The following CYP4F3 variants were observed in gnomAD, a reference collection of about 807,000 sequenced individuals.
CYP4F3 encodes cytochrome P450 4F3.
In CYP4F3, 50 loss-of-function variants were observed where a neutral mutation model predicts 54.8. That is an observed-to-expected ratio of 0.91 (90% CI 0.73 to 1.16). The LOEUF (loss-of-function observed/expected upper bound fraction) is 1.16, where lower values mean the gene tolerates loss of function less well. CYP4F3 is among the 50% of genes most tolerant of loss of function. The pLI is 0.00. For synonymous variants in CYP4F3, 244 were observed against 262.6 expected (o/e 0.93, Z 0.69); for missense variants, 715 against 676.2 (o/e 1.06, Z -0.64).
rs751945639 is a variant in CYP4F3 at position 15,641,585 on chromosome 19, G to T, written c.170G>T (p.Arg57Leu). Residue 57 changes from arginine to leucine, a missense_variant, in exon 2 of 13, where the codon CGG becomes CTG. Arg to Leu is a moderately radical substitution (Grantham distance 102). Transcript: ENST00000221307. ...CGGTGTTTCCCGCAACCCCCGAAAC[G>T]GAATTGGTTCTTGGGTCACCTGGGC... ...RLRCFPQPPK[R>L]NWFLGHLGLI... 3.1e-6 allele frequency: 5 copies of T among 1,614,100 alleles called. No individual in the cohort carries two copies. Among genetic ancestry groups the T allele is most frequent in the Admixed American group, 1.7e-5 (1 of 60,022 alleles).
At chr19:15,649,081 T>C in intron 5 of CYP4F3, 79 bp from the exon 6 acceptor site, 13 of 1,589,466 alleles carry the variant, frequency 8.2e-6, no homozygotes, top group Non-Finnish European at 1.0e-5. Context: ...TTCTGGGGCG[T>C]GCATATTGAT....
intron 9 of CYP4F3, among the ~76,000 whole-genome samples, chr19:15,657,394 T>G (rs1191284709): frequency 6.6e-6 from 1 of 152,186 alleles, no homozygotes; most frequent in East Asian, 1.9e-4. Flanking sequence ...CCTCCCAGAT[T>G]CAAGCAATTC....
chr19:15,643,447 T>C (rs62104376), intron 2 of CYP4F3, among the ~76,000 whole-genome samples: 1 of 149,586 alleles, frequency 6.7e-6, no homozygotes, highest in African/African-American at 2.5e-5. Context: ...GATAGATAGA[T>C]AGATAGATAG....
Position 15,649,282 on chromosome 19 carries a change from G to A in CYP4F3, c.647+1G>A. On this transcript the variant is annotated splice_donor_variant, in intron 6 of 12. Coordinates refer to ENST00000221307, the MANE Select transcript of CYP4F3 (RefSeq NM_000896.3). LOFTEE classifies it high-confidence loss of function. Reference sequence around the variant, plus strand: ...TCAGCTTTGACAGCCATTGCCAGGAGTAAGTTCTTGCCCAGGGTCTGGGAT... The same window carrying A: ...TCAGCTTTGACAGCCATTGCCAGGAATAAGTTCTTGCCCAGGGTCTGGGAT... 1 of 1,612,804 alleles carries A rather than the reference G, an allele frequency of 6.2e-7. No individual in the cohort carries two copies. The highest frequency in any genetic ancestry group is 8.5e-7 in the Non-Finnish European group (1 of 1,179,098).
chr19:15,662,364 A>G lies in CYP4F3; in HGVS notation c.*2979A>G, dbSNP rs1973201586. The G allele has an allele frequency of 6.6e-6, 1 of 151,958 alleles. No homozygotes were observed. Among genetic ancestry groups the G allele is most frequent in the Non-Finnish European group, 1.5e-5 (1 of 68,006 alleles). 9.4% of individuals were successfully genotyped at this position (151,958 alleles called of 1,614,324 possible). A position where few individuals can be genotyped will look rare whatever the true frequency, so the allele number is the denominator to read the frequency against. On this transcript the variant is annotated 3_prime_UTR_variant, in exon 13 of 13. Transcript: ENST00000221307. The stretch of plus-strand genomic sequence containing the variant: ...GCCTTGCAGGTTTGTAGAAAACTCA[A>G]TTGTTGAAATTTGGGTGGATATATT...
chr19:15,654,072 C>T (rs930695032), intron 9 of CYP4F3, among the ~76,000 whole-genome samples: 9 of 143,792 alleles, frequency 6.3e-5, no homozygotes, highest in South Asian at 4.6e-4. Flanking sequence ...TTCTGAGGCT[C>T]AAGCCAGGCC....
At chr19:15,654,130 G>A (rs28371539) in intron 9 of CYP4F3, among the ~76,000 whole-genome samples, 6 of 152,166 alleles carry the variant, frequency 3.9e-5, no homozygotes, top group Non-Finnish European at 8.8e-5. Flanking sequence ...GGGTGTCTTG[G>A]ACTCAGTGTC....
At position 15,647,106 on chromosome 19, in the gene CYP4F3, G is replaced by T. The variant is rs556714796; in HGVS notation, c.397+1G>T. The T allele has an allele frequency of 2.1e-5, 34 of 1,613,898 alleles. No individual in the cohort carries two copies. The highest frequency in any genetic ancestry group is 2.9e-5 in the Non-Finnish European group (34 of 1,180,018). On this transcript the variant is annotated splice_donor_variant, in intron 4 of 12. Transcript: ENST00000221307. LOFTEE classifies it high-confidence loss of function. The stretch of plus-strand genomic sequence containing the variant: ...TACAGCTTCCTGAAGCCCTGGCTGG[G>T]TGAGTATCTGTAGGTGAACAGGGTT...
rs200142901 is a variant in CYP4F3 at position 15,649,187 on chromosome 19, G to C, written c.553G>C (p.Gly185Arg). The change falls in exon 6 of 13, where the codon GGT becomes CGT. Residue 185 changes from glycine to arginine, a missense_variant. Physicochemically the swap from Gly to Arg is moderately radical, Grantham distance 125. Transcript: ENST00000221307. ...CAAGTGGCAGCTCCTGGCCTCAGAG[G>C]GTAGTGCCCGTCTGGACATGTTTGA... is the stretch of plus-strand genomic sequence containing the variant. ...HAKWQLLASE[G>R]SARLDMFEHI... 2.2e-4 allele frequency: 356 copies of C among 1,613,276 alleles called. No individual in the cohort carries two copies. Among genetic ancestry groups the C allele is most frequent in the Non-Finnish European group, 2.8e-4 (336 of 1,179,538 alleles).
rs1356900018 is a variant in CYP4F3, at chr19:15,650,754, T to C, written c.918+571T>C. Among the ~76,000 whole-genome samples the C allele has an allele frequency of 4.0e-4, 41 of 102,026 alleles. 11 individuals carry two copies. Among genetic ancestry groups the C allele is most frequent in the Admixed American group, 8.3e-4 (8 of 9,606 alleles). The allele number at this position is 102,026 out of a possible 152,430, so 66.9% of individuals were successfully genotyped here. On this transcript the variant is annotated intron_variant, in intron 7 of 12. Transcript: ENST00000221307. ...TTTCTTTCTTTTCCTTCCTTCCATC[T>C]TTCTTTCTTTCTTTTTCTTTCGTTC...
At chr19:15,653,851 TA>T (rs948853191) in intron 9 of CYP4F3, among the ~76,000 whole-genome samples, 1 of 151,004 alleles carries the variant, frequency 6.6e-6, no homozygotes, top group African/African-American at 2.4e-5. Flanking sequence ...GGTGAGATGA[TA>T]AAACTGGAGA....
At chr19:15,653,783 A>AGAGAGC (rs1223801720) in intron 9 of CYP4F3, among the ~76,000 whole-genome samples, 1 of 134,166 alleles carries the variant, frequency 7.5e-6, no homozygotes, top group East Asian at 2.3e-4. Flanking sequence ...AGAGAGAGAG[A>AGAGAGC]GAGCAGGGTC....
intron 5 of CYP4F3, 23 bp from the exon 6 acceptor site, chr19:15,649,137 G>A: frequency 2.5e-6 from 4 of 1,612,654 alleles, no homozygotes; most frequent in Non-Finnish European, 3.4e-6. Context: ...ACCTGCCCCA[G>A]CTCTGTCCCC....
Position 15,641,346 on chromosome 19 carries a change from T to G in CYP4F3, c.-1-69T>G, listed in dbSNP as rs373143675. The G allele has an allele frequency of 1.7e-5, 27 of 1,575,594 alleles. 1 individual carries two copies. The African/African-American group carries it at 2.8e-4, about 17-fold the overall frequency. ...ACTGCCCGTCTCTGCCTCTCTCCAC[T>G]GTCCCTGGAGCTCCCTGGGCCCTTC... is the stretch of plus-strand genomic sequence containing the variant. On this transcript the variant is annotated intron_variant, in intron 1 of 12. Transcript: ENST00000221307.
intron 7 of CYP4F3, among the ~76,000 whole-genome samples, chr19:15,650,645 C>A (rs1211693834): frequency 1.6e-5 from 2 of 121,888 alleles, no homozygotes; most frequent in Admixed American, 1.7e-4. Context: ...TGCTCTCCCT[C>A]CCTCCCTGCC....
At chr19:15,643,413 G>C (rs368080555) in intron 2 of CYP4F3, among the ~76,000 whole-genome samples, 1 of 121,052 alleles carries the variant, frequency 8.3e-6, no homozygotes, top group South Asian at 2.4e-4. Context: ...TAAATAGATA[G>C]ATAGATAGAT....
At chr19:15,651,341 G>A (rs1972849325) in intron 7 of CYP4F3, among the ~76,000 whole-genome samples, 1 of 132,966 alleles carries the variant, frequency 7.5e-6, no homozygotes, top group African/African-American at 2.7e-5. Flanking sequence ...CTATGATTAT[G>A]TCTATGTCAA....
chr19:15,652,398 G>A (rs1223056694), intron 7 of CYP4F3, among the ~76,000 whole-genome samples, 171 bp from the exon 8 acceptor site: 1 of 152,152 alleles, frequency 6.6e-6, no homozygotes, highest in Non-Finnish European at 1.5e-5. Context: ...AGCCCATGGG[G>A]TTGGGGCTCT....
At chr19:15,658,881 A>G in intron 12 of CYP4F3, 72 bp downstream of exon 12, 1 of 1,555,896 alleles carries the variant, frequency 6.4e-7, no homozygotes, top group South Asian at 1.1e-5. Context: ...AGTGGGGAAA[A>G]GGGGGACATT....
Sources: gnomAD v4.1 joint callset for allele counts (sites outside exome capture counted in the v4.1 genomes callset) on GRCh38, gnomAD v4.1.1 for gene constraint, MANE v1.5 for transcripts, NCBI Gene and HGNC (gene_info 2026-07-23, HGNC 2026-07-21) for gene names.